The following MINDY2 variants were observed in gnomAD, a reference collection of about 807,000 sequenced individuals.
MINDY2 encodes ubiquitin carboxyl-terminal hydrolase MINDY-2.
Under a neutral mutation model 68.2 loss-of-function variants are expected in MINDY2, and 52 were observed. The observed-to-expected ratio is 0.76, with a 90% confidence interval of 0.61 to 0.96. MINDY2 has a LOEUF of 0.96. Among genes scored for constraint, MINDY2 ranks in the 40% least tolerant of loss-of-function variants. The pLI, the probability that MINDY2 is intolerant of heterozygous loss-of-function variation, is 0.00. For synonymous variants in MINDY2, 372 were observed against 303.0 expected, an observed-to-expected ratio of 1.23 and a Z score of -2.36; for missense variants, 881 against 773.4, an observed-to-expected ratio of 1.14 and a Z score of -1.65.
intron 6 of MINDY2, among the ~76,000 whole-genome samples, chr15:58,838,284 G>GAAC (rs2032101805): frequency 2.0e-5 from 3 of 152,082 alleles, no homozygotes; most frequent in Middle Eastern, 3.4e-3. Context: ...CGTAATGCCA[G>GAAC]CTACTCAGAA....
chr15:58,852,049 G>T, intron 8 of MINDY2, 84 bp downstream of exon 8: 3 of 1,046,138 alleles, frequency 2.9e-6, no homozygotes, highest in Non-Finnish European at 4.1e-6. Flanking sequence ...CCCTTTGGGA[G>T]GCTGAGGCAG....
chr15:58,779,979 T>C (rs1436776757), intron 1 of MINDY2, among the ~76,000 whole-genome samples: 1 of 152,198 alleles, frequency 6.6e-6, no homozygotes, highest in Admixed American at 6.5e-5. Flanking sequence ...TGAATAATAA[T>C]AGTAAGTACT....
chr15:58,830,272 A>G (rs557378782), intron 5 of MINDY2, among the ~76,000 whole-genome samples: 1 of 152,344 alleles, frequency 6.6e-6, no homozygotes, highest in South Asian at 2.1e-4. Context: ...TGATCAGTAC[A>G]TAAACTTGTT....
At chr15:58,785,686 AT>A (rs1237353592) in intron 1 of MINDY2, among the ~76,000 whole-genome samples, 2 of 151,538 alleles carry the variant, frequency 1.3e-5, no homozygotes, top group Admixed American at 1.3e-4. Context: ...AATCTATCGA[AT>A]TTTTTTTTAA....
chr15:58,853,845 C>T (rs1459220370), intron 8 of MINDY2, among the ~76,000 whole-genome samples: 3 of 139,922 alleles, frequency 2.1e-5, no homozygotes, highest in African/African-American at 5.3e-5. Flanking sequence ...AAAAAAAAGT[C>T]TGTTTATTAT....
intron 6 of MINDY2, among the ~76,000 whole-genome samples, chr15:58,845,624 G>A (rs2032492179): frequency 1.3e-5 from 2 of 152,294 alleles, no homozygotes; most frequent in South Asian, 4.1e-4. Context: ...CAACCACTAT[G>A]GAGAACAGTT....
At chr15:58,797,520 A>T (rs1468603698) in intron 2 of MINDY2, among the ~76,000 whole-genome samples, 1 of 152,174 alleles carries the variant, frequency 6.6e-6, no homozygotes, top group Non-Finnish European at 1.5e-5. Flanking sequence ...ACAAACAAAC[A>T]AAAAAGATTA....
At chr15:58,773,700 C>CGCTT (rs1491434188) in intron 1 of MINDY2, among the ~76,000 whole-genome samples, 4 of 147,680 alleles carry the variant, frequency 2.7e-5, no homozygotes, top group African/African-American at 1.0e-4. Context: ...TTTTTTTTTT[C>CGCTT]GTTTGTTTGT....
At chr15:58,808,638 C>T (rs2620360) in intron 3 of MINDY2, among the ~76,000 whole-genome samples, 45,396 of 151,872 alleles carry the variant, frequency 0.3, 7,743 homozygotes, top group East Asian at 0.61. Context: ...AGAGTCTCGC[C>T]CTGTCGCCCA....
chr15:58,830,942 T>C (rs747844523), intron 5 of MINDY2, among the ~76,000 whole-genome samples: 1 of 151,628 alleles, frequency 6.6e-6, no homozygotes, highest in Non-Finnish European at 1.5e-5. Flanking sequence ...GGGATCTAAA[T>C]AAATTTTAGC....
chr15:58,827,644 T>C (rs2031481696), intron 5 of MINDY2, among the ~76,000 whole-genome samples: 1 of 152,092 alleles, frequency 6.6e-6, no homozygotes, highest in African/African-American at 2.4e-5. Flanking sequence ...TTTTGTACTT[T>C]TAGTAGAGAC....
At chr15:58,791,889 T>A (rs1383169260) in intron 2 of MINDY2, among the ~76,000 whole-genome samples, 1 of 151,788 alleles carries the variant, frequency 6.6e-6, no homozygotes, top group Non-Finnish European at 1.5e-5. Flanking sequence ...GAGTCTGGGA[T>A]ATGCCAGTGA....
intron 2 of MINDY2, among the ~76,000 whole-genome samples, chr15:58,796,679 T>C (rs777412032): frequency 1.3e-5 from 2 of 152,142 alleles, no homozygotes; most frequent in Non-Finnish European, 2.9e-5. Context: ...ACCGCCACCA[T>C]GCCCAGCTAA....
At chr15:58,812,201 G>C (rs2030326379) in intron 4 of MINDY2, among the ~76,000 whole-genome samples, 1 of 152,156 alleles carries the variant, frequency 6.6e-6, no homozygotes, top group Non-Finnish European at 1.5e-5. Context: ...ACTTTGGGAG[G>C]CCGAGGCGGG....
In MINDY2 at chr15:58,805,946, G is replaced by A. The variant is rs1225205754; in HGVS notation, c.963+3569G>A. Among the ~76,000 whole-genome samples the A allele has an allele frequency of 5.3e-5, 8 of 152,208 alleles. No individual in the cohort carries two copies. In the East Asian group the frequency reaches 7.8e-4, roughly 15 times the overall value. The stretch of plus-strand genomic sequence containing the variant: ...AAAAATTAGCTGGGCGTGGTGGCAC[G>A]TACTGTGGTCCCAGCTACTCGAGAG... On this transcript the variant is annotated intron_variant, in intron 3 of 8. Transcript: ENST00000559228.
Position 58,785,161 on chromosome 15 carries a change from A to AAAAAT in MINDY2, c.841-2743_841-2742insAATAA, listed in dbSNP as rs144911267. On this transcript the variant is annotated intron_variant, in intron 1 of 8. Transcript: ENST00000559228. ...AAAAAAAAAAAAAAAAAAAAAAAGA[A>AAAAAT]AAGCAAGCTTTTGGGAAGATCTTAG... Among the ~76,000 whole-genome samples the AAAAAT allele has an allele frequency of 2.2e-4, 31 of 144,022 alleles. No individual in the cohort carries two copies. The East Asian group carries it at 2.4e-3, about 11-fold the overall frequency. 94.5% of individuals were successfully genotyped at this position (144,022 alleles called of 152,430 possible).
At chr15:58,848,315 G>A (rs2032637304) in intron 7 of MINDY2, among the ~76,000 whole-genome samples, 3 of 152,134 alleles carry the variant, frequency 2.0e-5, no homozygotes, top group Admixed American at 2.0e-4. Context: ...CTATAATTAG[G>A]TCCTAGAGAT....
chr15:58,850,990 T>TC (rs753929105), intron 7 of MINDY2, among the ~76,000 whole-genome samples: 6 of 152,104 alleles, frequency 3.9e-5, no homozygotes, highest in Non-Finnish European at 8.8e-5. Context: ...TGTTTTTTTT[T>TC]CACGACTGAG....
At chr15:58,844,990 A>G (rs1170123546) in intron 6 of MINDY2, among the ~76,000 whole-genome samples, 2 of 151,690 alleles carry the variant, frequency 1.3e-5, no homozygotes, top group African/African-American at 4.8e-5. Flanking sequence ...CAAACTACCT[A>G]TGTGACAAGG....
Sources: gnomAD v4.1 joint callset for allele counts (sites outside exome capture counted in the v4.1 genomes callset) on GRCh38, gnomAD v4.1.1 for gene constraint, MANE v1.5 for transcripts, NCBI Gene and HGNC (gene_info 2026-07-23, HGNC 2026-07-21) for gene names.